The following VPS33B variants were observed in gnomAD, a reference collection of about 807,000 sequenced individuals.
VPS33B encodes vacuolar protein sorting-associated protein 33B.
A neutral mutation model predicts 95.3 loss-of-function variants in VPS33B; 80 were observed. The ratio of observed to expected loss-of-function variants is 0.84; its 90% CI spans 0.70 to 1.01. VPS33B has a LOEUF of 1.01. VPS33B is among the 50% of genes least tolerant of loss of function. VPS33B has a pLI of 0.00. For synonymous variants in VPS33B, 280 were observed against 280.4 expected (o/e 1.00, Z 0.01); for missense variants, 715 against 773.4 (o/e 0.92, Z 0.90).
At chr15:91,021,383 C>CT (rs565331280) in intron 1 of VPS33B, among the ~76,000 whole-genome samples, 1 of 152,210 alleles carries the variant, frequency 6.6e-6, no homozygotes, top group African/African-American at 2.4e-5. Context: ...ATCAGTAAGT[C>CT]TTTGAGTTTT....
rs778466571 is a variant in VPS33B, at chr15:91,013,887, A to G, written c.290-16T>C. 9 of 1,613,892 alleles carry G rather than the reference A, an allele frequency of 5.6e-6. No homozygotes were observed. The South Asian group carries it at 8.8e-5, about 16-fold the overall frequency. ...TTGACAAGACCTACAGAGAGAAGGA[A>G]TGCAGCCCAGCAAGTCATGGGCCAT... is the stretch of plus-strand genomic sequence containing the variant. On this transcript the variant is annotated splice_polypyrimidine_tract_variant and intron_variant, in intron 4 of 22. Transcript: ENST00000333371. The surrounding 1 kb of genome is among the most constrained non-coding windows in gnomAD (Gnocchi z 4.5).
In VPS33B at chr15:91,001,409, TG is replaced by T; in HGVS notation, c.1458del (p.Ile487SerfsTer5). 6.2e-7 allele frequency: 1 copy of T among 1,613,976 alleles called. No homozygotes were observed. The highest frequency in any genetic ancestry group is 8.5e-7 in the Non-Finnish European group (1 of 1,179,922). ...CATACCAAATTCAGCTTTTTGCTGATGGCACGAAAATTGCTCCTCTTGGCCA... is the reference window on the plus strand; with the variant it reads ...CATACCAAATTCAGCTTTTTGCTGATGCACGAAAATTGCTCCTCTTGGCCA... Reference protein sequence around the residue: ...SSLAKRSNFRAISKKLNLIPR... With the variant: ...SSLAKRSNFRXISKKLNLIPR... On this transcript the variant is annotated frameshift_variant, in exon 19 of 23. Transcript: ENST00000333371. LOFTEE classifies it high-confidence loss of function.
rs59910084 is a variant in VPS33B, at chr15:91,006,281, T to TGGGGCCCACAGCCTGGTATAAGCAG, written c.852+66_852+90dup. ...TAGACTCAGCCTCCCCTCTCAGAGC[T>TGGGGCCCACAGCCTGGTATAAGCAG]GGGGCCCACAGCCTGGTATAAGCAG... On this transcript the variant is annotated intron_variant, in intron 11 of 22. Transcript: ENST00000333371. This position sits in a 1 kb window ranked among gnomAD's most constrained non-coding sequence, Gnocchi z 5.4. 32 of 1,575,536 alleles carry TGGGGCCCACAGCCTGGTATAAGCAG rather than the reference T, an allele frequency of 2.0e-5. No homozygotes were observed. Among genetic ancestry groups the TGGGGCCCACAGCCTGGTATAAGCAG allele is most frequent in the Admixed American group, 1.8e-4 (11 of 59,890 alleles).
rs2040595064 is a variant in VPS33B at position 91,006,081 on chromosome 15, A to G, written c.853-22T>C. The G allele has an allele frequency of 1.2e-6, 2 of 1,611,848 alleles. No homozygotes were observed. The highest frequency in any genetic ancestry group is 1.7e-5 in the Admixed American group (1 of 59,960). ...ACACCTGTGAGGACAGTAAGACAAGAACAGCTTACTCTGTCAGAACCATAA... is the reference window on the plus strand; with the variant it reads ...ACACCTGTGAGGACAGTAAGACAAGGACAGCTTACTCTGTCAGAACCATAA... On this transcript the variant is annotated intron_variant, in intron 11 of 22. Transcript: ENST00000333371. This position sits in a 1 kb window ranked among gnomAD's most constrained non-coding sequence, Gnocchi z 5.4.
chr15:91,006,973 C>T lies in VPS33B; in HGVS notation c.677G>A (p.Gly226Glu). Residue 226 changes from glycine to glutamate, a missense_variant, in exon 9 of 23, where the codon GGA becomes GAA. By Grantham distance (98) the Gly-to-Glu change is moderately conservative (BLOSUM62 -2). Transcript: ENST00000333371. The surrounding 1 kb of genome is among the most constrained non-coding windows in gnomAD (Gnocchi z 5.4). ...ACCTCTGTCCAAGAGAAAGATATGT[C>T]CAATCTCTGGCCTTCGGCCCTTGGT... ...GETKGRRPEI[G>E]HIFLLDRDVD... The T allele has an allele frequency of 6.2e-7, 1 of 1,614,120 alleles. No individual in the cohort carries two copies. Among genetic ancestry groups the T allele is most frequent in the South Asian group, 1.1e-5 (1 of 91,072 alleles).
In VPS33B at chr15:90,999,572, G is replaced by T; in HGVS notation, c.1774+105C>A. 8.3e-7 allele frequency: 1 copy of T among 1,210,710 alleles called. No homozygotes were observed. The highest frequency in any genetic ancestry group is 1.2e-6 in the Non-Finnish European group (1 of 822,446). 75.0% of individuals were successfully genotyped at this position (1,210,710 alleles called of 1,614,324 possible). Reference sequence around the variant, plus strand: ...GACCTCAGGTGATCTGCCCGCCTCCGCCTCCCAAAGTGCTGAGATTACAGG... The same window carrying T: ...GACCTCAGGTGATCTGCCCGCCTCCTCCTCCCAAAGTGCTGAGATTACAGG... On this transcript the variant is annotated intron_variant, in intron 22 of 22. Transcript: ENST00000333371. The surrounding 1 kb of genome is among the most constrained non-coding windows in gnomAD (Gnocchi z 5.1).
intron 1 of VPS33B, among the ~76,000 whole-genome samples, chr15:91,019,133 T>G: frequency 7.0e-6 from 1 of 143,086 alleles, no homozygotes; most frequent in African/African-American, 2.7e-5. Context: ...TTTTTTTTTT[T>G]TTTTTTAAAG....
At chr15:91,020,408 G>A (rs73497948) in intron 1 of VPS33B, among the ~76,000 whole-genome samples, 1,550 of 152,284 alleles carry the variant, frequency 0.01, 26 homozygotes, top group African/African-American at 0.035. Flanking sequence ...AGGAGAGGAC[G>A]TTATTGCCTG....
chr15:91,021,688 T>G (rs143520344), intron 1 of VPS33B, among the ~76,000 whole-genome samples: 5 of 152,360 alleles, frequency 3.3e-5, no homozygotes, highest in African/African-American at 1.2e-4. Flanking sequence ...TGGAGCATGC[T>G]TAGTCTCCAA....
chr15:91,007,629 A>G lies in VPS33B; in HGVS notation c.499-56T>C, dbSNP rs2040653379. 1.3e-6 allele frequency: 2 copies of G among 1,582,852 alleles called. No individual in the cohort carries two copies. Among genetic ancestry groups the G allele is most frequent in the Non-Finnish European group, 1.7e-6 (2 of 1,151,800 alleles). ...GAATCAACCCAGTAGGACCACCTGG[A>G]AAGTGGCTAGCCCTAGAAGCCCTGG... On this transcript the variant is annotated intron_variant, in intron 7 of 22. Transcript: ENST00000333371. The surrounding 1 kb of genome is among the most constrained non-coding windows in gnomAD (Gnocchi z 5.3).
intron 1 of VPS33B, 82 bp from the exon 2 acceptor site, chr15:91,017,967 C>A (rs779854905): frequency 1.6e-5 from 20 of 1,280,036 alleles, no homozygotes; most frequent in Non-Finnish European, 2.2e-5. Flanking sequence ...ACCCATCTAA[C>A]AGAAACAGTC....
Position 91,007,371 on chromosome 15 carries a change from A to G in VPS33B, c.603+98T>C, listed in dbSNP as rs2040640677. The stretch of plus-strand genomic sequence containing the variant: ...CAGAACAATGAAAGCAAAGTAAAGA[A>G]TACACCTCATATCACAGGTGCCCTT... On this transcript the variant is annotated intron_variant, in intron 8 of 22. Transcript: ENST00000333371. This position sits in a 1 kb window ranked among gnomAD's most constrained non-coding sequence, Gnocchi z 5.3. The G allele has an allele frequency of 7.7e-6, 9 of 1,163,224 alleles. No homozygotes were observed. In the South Asian group the frequency reaches 1.1e-4, roughly 14 times the overall value. The allele number at this position is 1,163,224 out of a possible 1,614,324, so 72.1% of individuals were successfully genotyped here. A position where few individuals can be genotyped will look rare whatever the true frequency, so the allele number is the denominator to read the frequency against.
intron 19 of VPS33B, chr15:91,001,004 G>T (rs2040420100): frequency 2.9e-6 from 1 of 345,086 alleles, no homozygotes. Flanking sequence ...TGACAAAAAG[G>T]TTTTTGTGGA....
chr15:91,002,548 T>C lies in VPS33B; in HGVS notation c.1273-366A>G, dbSNP rs568944195. Among the ~76,000 whole-genome samples the C allele has an allele frequency of 3.5e-3, 532 of 151,486 alleles. 2 individuals carry two copies. The highest frequency in any genetic ancestry group is 4.9e-3 in the Non-Finnish European group (335 of 67,908). On this transcript the variant is annotated intron_variant, in intron 17 of 22. Coordinates refer to ENST00000333371, the MANE Select transcript of VPS33B (RefSeq NM_018668.5). This position sits in a 1 kb window ranked among gnomAD's most constrained non-coding sequence, Gnocchi z 4.7. ...CAGGAGGCTGAGGCACAGAAATGCTTGAACCTAGGAGGCAGAGGCTGCAGT... is the reference window on the plus strand; with the variant it reads ...CAGGAGGCTGAGGCACAGAAATGCTCGAACCTAGGAGGCAGAGGCTGCAGT...
chr15:91,000,196 A>G lies in VPS33B; in HGVS notation c.1582-221T>C, dbSNP rs531242682. 3.3e-5 allele frequency among the ~76,000 whole-genome samples: 5 copies of G among 152,312 alleles called. No homozygotes were observed. The highest frequency in any genetic ancestry group is 1.2e-4 in the African/African-American group (5 of 41,570). ...GGAGTTCGAGACCAGCCTGGTCAAC[A>G]TATAGTTGGCCCTGTCTATATGAAA... On this transcript the variant is annotated intron_variant, in intron 20 of 22. Transcript: ENST00000333371. The surrounding 1 kb of genome is among the most constrained non-coding windows in gnomAD (Gnocchi z 4.9).
In VPS33B at chr15:91,013,735, G is replaced by T. The variant is rs559487605; in HGVS notation, c.357+69C>A. 2.1e-5 allele frequency: 33 copies of T among 1,546,014 alleles called. 1 individual carries two copies. The African/African-American group carries it at 3.9e-4, about 18-fold the overall frequency. On this transcript the variant is annotated intron_variant, in intron 5 of 22. Transcript: ENST00000333371. This position sits in a 1 kb window ranked among gnomAD's most constrained non-coding sequence, Gnocchi z 4.5. ...CGGAGACAGGGAGGTAGTGCTGTTGGCCCCTTACCCCTGCCCGGTCCTCAG... is the reference window on the plus strand; with the variant it reads ...CGGAGACAGGGAGGTAGTGCTGTTGTCCCCTTACCCCTGCCCGGTCCTCAG...
chr15:91,008,896 CT>C (rs1323031286), intron 6 of VPS33B, among the ~76,000 whole-genome samples: 1 of 152,110 alleles, frequency 6.6e-6, no homozygotes, highest in Non-Finnish European at 1.5e-5. Flanking sequence ...GGAGAACGTT[CT>C]GGGTACCTGG....
rs2040904634 is a variant in VPS33B at position 91,015,684 on chromosome 15, A to G, written c.240-1251T>C. ...AAAAAATAAAATAAAATAAAACTAT[A>G]GGCGGATGCAGTGCTGCACACTTGT... is the stretch of plus-strand genomic sequence containing the variant. On this transcript the variant is annotated intron_variant, in intron 3 of 22. Transcript: ENST00000333371. The surrounding 1 kb of genome is among the most constrained non-coding windows in gnomAD (Gnocchi z 4.7). 6.6e-6 allele frequency among the ~76,000 whole-genome samples: 1 copy of G among 152,072 alleles called. No individual in the cohort carries two copies. The highest frequency in any genetic ancestry group is 2.4e-5 in the African/African-American group (1 of 41,424).
At position 91,022,270 on chromosome 15, in the gene VPS33B, C is replaced by A; in HGVS notation, c.-21G>T. 1.3e-6 allele frequency: 2 copies of A among 1,538,196 alleles called. No individual in the cohort carries two copies. Among genetic ancestry groups the A allele is most frequent in the Non-Finnish European group, 1.8e-6 (2 of 1,135,238 alleles). On this transcript the variant is annotated 5_prime_UTR_variant, in exon 1 of 23. Coordinates refer to ENST00000333371, the MANE Select transcript of VPS33B (RefSeq NM_018668.5). ...GCCATGGCAGCGGTCACCTGCGCCGCGGGGTGGAAGGACGCCCTTCGTTCT... is the reference window on the plus strand; with the variant it reads ...GCCATGGCAGCGGTCACCTGCGCCGAGGGGTGGAAGGACGCCCTTCGTTCT...
Sources: gnomAD v4.1 joint callset for allele counts (sites outside exome capture counted in the v4.1 genomes callset) on GRCh38, gnomAD v4.1.1 for gene constraint, Gnocchi (gnomAD v3.1) non-coding constraint, MANE v1.5 for transcripts, NCBI Gene and HGNC (gene_info 2026-07-23, HGNC 2026-07-21) for gene names.